The following OR3A2 variants were observed in gnomAD, a reference collection of about 807,000 sequenced individuals.
OR3A2 encodes olfactory receptor family 3 subfamily A member 2, also known as olfactory receptor 3A2.
For missense variants in OR3A2, 318 were observed against 392.8 expected, an observed-to-expected ratio of 0.81 and a Z score of 1.61; for synonymous variants, 126 against 159.3, an observed-to-expected ratio of 0.79 and a Z score of 1.57.
At chr17:3,339,753 C>T (rs1466200916) in intron 2 of OR3A2, among the ~76,000 whole-genome samples, 1 of 152,032 alleles carries the variant, frequency 6.6e-6, no homozygotes, top group Non-Finnish European at 1.5e-5. Flanking sequence ...TGTGTCTCTA[C>T]CAGGCTTTGG....
exon 2 of OR3A2, chr17:3,278,250 T>C: frequency 6.2e-7 from 1 of 1,614,180 alleles, no homozygotes; most frequent in Non-Finnish European, 8.5e-7. Context: ...AGCTGCCACG[T>C]GGCTGTAGGC....
At chr17:3,333,762 A>G (rs2049257657) in intron 3 of OR3A2, among the ~76,000 whole-genome samples, 1 of 152,228 alleles carries the variant, frequency 6.6e-6, no homozygotes, top group South Asian at 2.1e-4. Flanking sequence ...AAGGGAGGCA[A>G]TTAAACTAAA....
chr17:3,286,543 G>T (rs2048815075), upstream of OR3A2, among the ~76,000 whole-genome samples: 1 of 152,182 alleles, frequency 6.6e-6, no homozygotes, highest in African/African-American at 2.4e-5. Context: ...CAGTGTAAAA[G>T]CATTCCTATT....
intron 3 of OR3A2, among the ~76,000 whole-genome samples, chr17:3,315,357 T>C (rs560902691): frequency 6.6e-6 from 1 of 152,308 alleles, no homozygotes; most frequent in African/African-American, 2.4e-5. Context: ...CTGTTGCTTG[T>C]TGACTTTTTA....
At chr17:3,301,613 T>C (rs1016679134) in intron 3 of OR3A2, among the ~76,000 whole-genome samples, 17 of 152,172 alleles carry the variant, frequency 1.1e-4, no homozygotes, top group Non-Finnish European at 2.4e-4. Context: ...GATGAGTAGA[T>C]TGCAAAAATT....
In OR3A2 at chr17:3,299,965, G is replaced by T. The variant is rs546610024; in HGVS notation, c.-84-20812C>A. Among the ~76,000 whole-genome samples the T allele has an allele frequency of 2.6e-5, 4 of 151,896 alleles. No individual in the cohort carries two copies. In the South Asian group the frequency reaches 8.3e-4, roughly 32 times the overall value. ...TTTGGTGCATTATCTTAATTTTCTGGACAACTCTTTGACATGGCTTTGTTA... is the reference window on the plus strand; with the variant it reads ...TTTGGTGCATTATCTTAATTTTCTGTACAACTCTTTGACATGGCTTTGTTA... On this transcript the variant is annotated intron_variant, in intron 3 of 4. Coordinates refer to the OR3A2 transcript ENST00000573491.
Position 3,303,924 on chromosome 17 carries a change from A to AAT in OR3A2, c.-84-24773_-84-24772dup, listed in dbSNP as rs1050577997. On this transcript the variant is annotated intron_variant, in intron 3 of 4. Transcript: ENST00000573491. ...ATAAATAGATATAGATATAGATATA[A>AAT]ATATATATATTATATATATATATTA... 2.0e-4 allele frequency among the ~76,000 whole-genome samples: 25 copies of AAT among 122,908 alleles called. No homozygotes were observed. The Admixed American group carries it at 2.1e-3, about 11-fold the overall frequency. 80.6% of individuals were successfully genotyped at this position (122,908 alleles called of 152,430 possible).
chr17:3,306,679 C>CAAAAAA (rs71153340), intron 3 of OR3A2, among the ~76,000 whole-genome samples: 3 of 109,298 alleles, frequency 2.7e-5, no homozygotes, highest in African/African-American at 1.3e-4. Context: ...TACTACTCTT[C>CAAAAAA]AAAAAAAAAA....
chr17:3,369,617 G>A (rs541999437), intron 2 of OR3A2, among the ~76,000 whole-genome samples: 3 of 152,214 alleles, frequency 2.0e-5, no homozygotes, highest in African/African-American at 4.8e-5. Context: ...TCGATATGCT[G>A]TTGGATTCAG....
At chr17:3,359,756 T>A (rs933629699) in intron 2 of OR3A2, among the ~76,000 whole-genome samples, 3 of 151,726 alleles carry the variant, frequency 2.0e-5, no homozygotes, top group African/African-American at 7.3e-5. Context: ...GAACTCATCC[T>A]TTTTTATGGC....
At chr17:3,353,621 G>C (rs1396174732) in intron 2 of OR3A2, among the ~76,000 whole-genome samples, 1 of 151,654 alleles carries the variant, frequency 6.6e-6, no homozygotes, top group African/African-American at 2.4e-5. Flanking sequence ...CAATTGAACT[G>C]TTCATATGGC....
chr17:3,359,293 G>C (rs2049489612), intron 2 of OR3A2, among the ~76,000 whole-genome samples: 1 of 151,682 alleles, frequency 6.6e-6, no homozygotes, highest in African/African-American at 2.4e-5. Context: ...GTATTGATAT[G>C]TATGGATTTG....
At position 3,295,087 on chromosome 17, in the gene OR3A2, T is replaced by C. The variant is rs193084219; in HGVS notation, c.-84-15934A>G. ...AACAATAGGTCTAAGACTAAAACAT[T>C]TGTGAAAATTGTAAGTATGAAAGAA... On this transcript the variant is annotated intron_variant, in intron 3 of 4. Coordinates refer to the OR3A2 transcript ENST00000573491. 1.4e-3 allele frequency among the ~76,000 whole-genome samples: 215 copies of C among 152,162 alleles called. 1 individual carries two copies. The Middle Eastern group carries it at 0.031, about 22-fold the overall frequency.
At chr17:3,360,687 T>C (rs1005103166) in intron 2 of OR3A2, among the ~76,000 whole-genome samples, 2 of 151,728 alleles carry the variant, frequency 1.3e-5, no homozygotes, top group African/African-American at 2.4e-5. Flanking sequence ...CCTTTCCCCA[T>C]TGCTTGTTTT....
chr17:3,375,249 C>CTT lies in OR3A2; in HGVS notation c.-179+8554_-179+8555insAA, dbSNP rs1567572525. 3.0e-3 allele frequency among the ~76,000 whole-genome samples: 270 copies of CTT among 89,030 alleles called. 9 individuals carry two copies. The highest frequency in any genetic ancestry group is 0.016 in the African/African-American group (254 of 15,684). 58.4% of individuals were successfully genotyped at this position (89,030 alleles called of 152,430 possible). A position where few individuals can be genotyped will look rare whatever the true frequency, so the allele number is the denominator to read the frequency against. Reference sequence around the variant, plus strand: ...TTTTTTCTTTTTTTTTTTTTTTCCCCCCCTTTTTGAGATAGTCTCACTTGG... The same window carrying CTT: ...TTTTTTCTTTTTTTTTTTTTTTCCCCTTCCCTTTTTGAGATAGTCTCACTTGG... On this transcript the variant is annotated intron_variant, in intron 2 of 4. Transcript: ENST00000573491.
At chr17:3,369,167 T>C (rs1471645274) in intron 2 of OR3A2, among the ~76,000 whole-genome samples, 1 of 152,210 alleles carries the variant, frequency 6.6e-6, no homozygotes, top group Non-Finnish European at 1.5e-5. Context: ...AGTTATACAA[T>C]AAGATCTTCA....
intron 3 of OR3A2, among the ~76,000 whole-genome samples, chr17:3,289,634 A>G (rs548536613): frequency 2.0e-4 from 30 of 152,350 alleles, no homozygotes; most frequent in African/African-American, 7.0e-4. Context: ...CAGTCTTTCT[A>G]TTCATTCAAA....
upstream of OR3A2, chr17:3,386,304 G>A (rs555007418): frequency 5.0e-6 from 2 of 398,252 alleles, no homozygotes; most frequent in African/African-American, 2.1e-5. Context: ...GCCCGACGGC[G>A]GCGTGCCGGC....
At chr17:3,315,235 T>G (rs1461842007) in intron 3 of OR3A2, among the ~76,000 whole-genome samples, 2 of 152,236 alleles carry the variant, frequency 1.3e-5, no homozygotes, top group Non-Finnish European at 2.9e-5. Flanking sequence ...ATAATAGCTC[T>G]GTTTTAAGTT....
Sources: gnomAD v4.1 joint callset for allele counts (sites outside exome capture counted in the v4.1 genomes callset) on GRCh38, gnomAD v4.1.1 for gene constraint, MANE v1.5 for transcripts, NCBI Gene and HGNC (gene_info 2026-07-23, HGNC 2026-07-21) for gene names.